FAM227B: variants seen among roughly 807,000 people sequenced by gnomAD.
The protein encoded by FAM227B is protein FAM227B.
In FAM227B, 88 loss-of-function variants were observed where a neutral mutation model predicts 73.8. The observed-to-expected ratio is 1.19, with a 90% CI of 1.00 to 1.42. FAM227B has a LOEUF of 1.42. Among genes scored for constraint, FAM227B ranks in the 40% most tolerant of loss-of-function variants. The pLI is 0.00. For synonymous variants in FAM227B, 210 were observed against 190.5 expected (o/e 1.10, Z -0.84); for missense variants, 632 against 590.9 (o/e 1.07, Z -0.72).
chr15:49,406,782 T>C (rs2048544633), intron 11 of FAM227B, among the ~76,000 whole-genome samples: 1 of 151,688 alleles, frequency 6.6e-6, no homozygotes, highest in Non-Finnish European at 1.5e-5. Context: ...TGCCGGTACA[T>C]GTTTGGGGTT....
intron 9 of FAM227B, among the ~76,000 whole-genome samples, chr15:49,550,470 C>G (rs1286721699): frequency 6.6e-6 from 1 of 151,936 alleles, no homozygotes. Flanking sequence ...GGCGGAGGGG[C>G]TCCTCACTTC....
chr15:49,546,626 T>G (rs973063993), intron 9 of FAM227B, among the ~76,000 whole-genome samples: 3 of 152,206 alleles, frequency 2.0e-5, no homozygotes, highest in Non-Finnish European at 4.4e-5. Context: ...ACCTGTTGTT[T>G]CCTAACTTTT....
At chr15:49,503,594 C>T (rs1248350335) in intron 11 of FAM227B, among the ~76,000 whole-genome samples, 1 of 152,088 alleles carries the variant, frequency 6.6e-6, no homozygotes, top group South Asian at 2.1e-4. Flanking sequence ...AAACAAACAA[C>T]CCCATCAAAA....
At chr15:49,589,568 C>CACACAT (rs2076398914) in intron 4 of FAM227B, among the ~76,000 whole-genome samples, 1 of 151,446 alleles carries the variant, frequency 6.6e-6, no homozygotes, top group Admixed American at 6.6e-5. Flanking sequence ...CACACACACA[C>CACACAT]ACACACACAC....
intron 5 of FAM227B, among the ~76,000 whole-genome samples, chr15:49,585,786 T>G (rs1209712383): frequency 1.3e-5 from 2 of 152,156 alleles, no homozygotes; most frequent in Non-Finnish European, 2.9e-5. Flanking sequence ...GGCACATGTA[T>G]ACATATGTAA....
chr15:49,556,872 A>G (rs1383812547), intron 9 of FAM227B, among the ~76,000 whole-genome samples: 1 of 152,122 alleles, frequency 6.6e-6, no homozygotes, highest in Non-Finnish European at 1.5e-5. Context: ...CTGCTCCAAC[A>G]TATCTCCAAC....
At chr15:49,547,427 C>A (rs1315813910) in intron 9 of FAM227B, among the ~76,000 whole-genome samples, 1 of 151,704 alleles carries the variant, frequency 6.6e-6, no homozygotes. Context: ...TCAGATATAA[C>A]AATATTAACT....
chr15:49,613,621 T>C (rs2078098462), intron 2 of FAM227B, among the ~76,000 whole-genome samples: 1 of 151,872 alleles, frequency 6.6e-6, no homozygotes, highest in Admixed American at 6.6e-5. Flanking sequence ...AATAAAAGAG[T>C]ATAATTGGAA....
chr15:49,359,828 T>G (rs1281287073), intron 13 of FAM227B, among the ~76,000 whole-genome samples: 1 of 138,484 alleles, frequency 7.2e-6, no homozygotes, highest in African/African-American at 2.7e-5. Context: ...AGCAAAGACT[T>G]GGAACCAACC....
At chr15:49,340,301 C>T (rs2040476280) in intron 13 of FAM227B, among the ~76,000 whole-genome samples, 1 of 152,086 alleles carries the variant, frequency 6.6e-6, no homozygotes, top group Non-Finnish European at 1.5e-5. Context: ...GGGAAAAGCG[C>T]AGTATCTGGG....
chr15:49,501,084 G>A (rs7162800), intron 11 of FAM227B, among the ~76,000 whole-genome samples: 49,872 of 152,040 alleles, frequency 0.33, 8,962 homozygotes, highest in African/African-American at 0.46. Context: ...ACCTGGTCAC[G>A]GGTATTCTTT....
chr15:49,360,671 T>C (rs1392254546), intron 13 of FAM227B, among the ~76,000 whole-genome samples: 3 of 152,142 alleles, frequency 2.0e-5, no homozygotes, highest in Non-Finnish European at 4.4e-5. Context: ...ATCCTAGACA[T>C]CAAAGTTTTT....
chr15:49,503,269 T>C (rs2152098165), intron 11 of FAM227B, among the ~76,000 whole-genome samples: 1 of 152,218 alleles, frequency 6.6e-6, no homozygotes, highest in South Asian at 2.1e-4. Context: ...TATAAAAAAA[T>C]TAATTCAAGA....
At chr15:49,490,602 A>C (rs1378833377) in intron 11 of FAM227B, among the ~76,000 whole-genome samples, 1 of 152,190 alleles carries the variant, frequency 6.6e-6, no homozygotes, top group South Asian at 2.1e-4. Flanking sequence ...AGTTCATTTT[A>C]AAGAAATGGA....
At chr15:49,370,253 C>T (rs2045720669) in intron 12 of FAM227B, among the ~76,000 whole-genome samples, 1 of 152,204 alleles carries the variant, frequency 6.6e-6, no homozygotes, top group African/African-American at 2.4e-5. Context: ...AGATGTATTT[C>T]CAATTTCTAT....
At chr15:49,526,111 C>A (rs913371745) in intron 10 of FAM227B, among the ~76,000 whole-genome samples, 1 of 152,062 alleles carries the variant, frequency 6.6e-6, no homozygotes, top group Non-Finnish European at 1.5e-5. Context: ...TTTTTCTCAT[C>A]AGCATATGGA....
At chr15:49,417,108 C>T (rs375916837) in intron 11 of FAM227B, among the ~76,000 whole-genome samples, 30 of 152,226 alleles carry the variant, frequency 2.0e-4, no homozygotes, top group African/African-American at 7.2e-4. Flanking sequence ...AAGAACATAG[C>T]TGGTTGGGTG....
intron 11 of FAM227B, among the ~76,000 whole-genome samples, chr15:49,435,542 T>C (rs574398603): frequency 4.3e-4 from 65 of 151,568 alleles, no homozygotes; most frequent in Non-Finnish European, 8.3e-4. Context: ...TCCCTTCTTG[T>C]ATAAATAATG....
intron 11 of FAM227B, among the ~76,000 whole-genome samples, chr15:49,475,716 G>A (rs768956962): frequency 2.0e-5 from 3 of 152,074 alleles, no homozygotes; most frequent in Non-Finnish European, 2.9e-5. Flanking sequence ...GGGCGGGCAC[G>A]GTGGCTTATA....
Sources: allele counts gnomAD v4.1 joint callset (sites outside exome capture counted in the v4.1 genomes callset), GRCh38; gene constraint gnomAD v4.1.1; transcripts MANE v1.5; gene names NCBI Gene and HGNC (gene_info 2026-07-23, HGNC 2026-07-21).